Variants in PKN2 observed in about 807,000 individuals in gnomAD.
The protein encoded by PKN2 is serine/threonine-protein kinase N2.
PKN2 carries 38 observed loss-of-function variants against 119.1 expected under a neutral mutation model. The observed-to-expected ratio is 0.32, with a 90% CI of 0.25 to 0.42. PKN2 has a LOEUF of 0.42. Ranked by LOEUF, PKN2 falls within the 10% of genes least tolerant of loss-of-function variation. The probability of loss-of-function intolerance (pLI) is 1.00; values close to 1 mark genes in which losing one functional copy is unlikely to be tolerated. For synonymous variants in PKN2, 390 were observed against 384.9 expected, an observed-to-expected ratio of 1.01 and a Z score of -0.15; for missense variants, 850 against 1,165.1, an observed-to-expected ratio of 0.73 and a Z score of 3.94.
chr1:88,797,458 A>G (rs974413653), intron 8 of PKN2, among the ~76,000 whole-genome samples: 4 of 151,744 alleles, frequency 2.6e-5, no homozygotes, highest in Non-Finnish European at 5.9e-5. Flanking sequence ...CCTTGCCAAC[A>G]TGGTGAAACC....
At chr1:88,700,287 A>G (rs1055570928) in intron 1 of PKN2, among the ~76,000 whole-genome samples, 3 of 152,266 alleles carry the variant, frequency 2.0e-5, no homozygotes, top group African/African-American at 7.2e-5. Context: ...TTTCTGGTTG[A>G]ATGATATTTC....
rs143329756 is a variant in PKN2, at chr1:88,816,489, T to G, written c.2279+2756T>G. Among the ~76,000 whole-genome samples, 577 of 152,178 alleles carry G rather than the reference T, an allele frequency of 3.8e-3. 12 individuals carry two copies. Among genetic ancestry groups the G allele is most frequent in the East Asian group, 0.031 (160 of 5,148 alleles). ...CTCAAACTCCTGACCTCAGGTGATC[T>G]GCCTGCCTCAGCTTCCCAGAGTGCT... On this transcript the variant is annotated intron_variant, in intron 16 of 21. Transcript: ENST00000370521.
intron 18 of PKN2, among the ~76,000 whole-genome samples, chr1:88,827,417 T>G (rs1271806438): frequency 6.6e-6 from 1 of 151,992 alleles, no homozygotes; most frequent in Non-Finnish European, 1.5e-5. Context: ...TATATATGTT[T>G]CATATATACC....
chr1:88,736,779 A>AT (rs1264340510), intron 1 of PKN2, among the ~76,000 whole-genome samples: 1 of 152,050 alleles, frequency 6.6e-6, no homozygotes, highest in Non-Finnish European at 1.5e-5. Context: ...AAGCAGGGCG[A>AT]TTATTGTGTT....
intron 7 of PKN2, among the ~76,000 whole-genome samples, chr1:88,785,801 A>T (rs1485113676): frequency 6.6e-6 from 1 of 152,154 alleles, no homozygotes; most frequent in Non-Finnish European, 1.5e-5. Context: ...AGAAAAACTG[A>T]TTGATATTCA....
At chr1:88,760,421 G>T (rs200395365) in intron 3 of PKN2, 45 bp downstream of exon 3, 37 of 1,095,576 alleles carry the variant, frequency 3.4e-5, no homozygotes, top group Middle Eastern at 5.6e-4. Flanking sequence ...GTCATTATTT[G>T]CAGATTCCAT....
intron 2 of PKN2, among the ~76,000 whole-genome samples, chr1:88,757,050 C>T (rs1163485465): frequency 6.6e-6 from 1 of 152,020 alleles, no homozygotes; most frequent in Non-Finnish European, 1.5e-5. Flanking sequence ...CTAAGTTGCT[C>T]TTTTGTGATT....
At chr1:88,710,122 C>T (rs1397492326) in intron 1 of PKN2, among the ~76,000 whole-genome samples, 1 of 152,134 alleles carries the variant, frequency 6.6e-6, no homozygotes, top group Non-Finnish European at 1.5e-5. Context: ...AAATGTAAAA[C>T]CGGTCCTGGG....
intron 1 of PKN2, among the ~76,000 whole-genome samples, chr1:88,711,714 T>A (rs1356366515): frequency 6.6e-6 from 1 of 152,198 alleles, no homozygotes; most frequent in Admixed American, 6.5e-5. Flanking sequence ...TAGGTAGAAA[T>A]GTGATCATTT....
intron 1 of PKN2, among the ~76,000 whole-genome samples, chr1:88,728,098 A>T (rs1667971866): frequency 6.6e-6 from 1 of 150,818 alleles, no homozygotes; most frequent in African/African-American, 2.4e-5. Flanking sequence ...AGGAAAACCC[A>T]GAGAATTCAT....
At chr1:88,831,754 A>G (rs953372850) in intron 19 of PKN2, among the ~76,000 whole-genome samples, 7 of 152,056 alleles carry the variant, frequency 4.6e-5, no homozygotes, top group Non-Finnish European at 8.8e-5. Context: ...AAGTAAGCCT[A>G]TATTTCTTCA....
At chr1:88,705,555 C>T (rs1217029753) in intron 1 of PKN2, among the ~76,000 whole-genome samples, 4 of 151,078 alleles carry the variant, frequency 2.6e-5, no homozygotes, top group Non-Finnish European at 2.9e-5. Context: ...AAAAATTAGC[C>T]GGTTGTGGTG....
chr1:88,794,853 C>T (rs1670997083), intron 8 of PKN2, among the ~76,000 whole-genome samples: 1 of 152,084 alleles, frequency 6.6e-6, no homozygotes, highest in South Asian at 2.1e-4. Flanking sequence ...CTGATACTGC[C>T]ACAGCATCCT....
intron 1 of PKN2, among the ~76,000 whole-genome samples, chr1:88,728,556 G>A (rs1481162101): frequency 6.6e-6 from 1 of 151,896 alleles, no homozygotes; most frequent in Non-Finnish European, 1.5e-5. Context: ...TCTTGAACAG[G>A]TTTAGATTTA....
chr1:88,783,188 C>A (rs1248723774), intron 6 of PKN2, among the ~76,000 whole-genome samples: 1 of 152,176 alleles, frequency 6.6e-6, no homozygotes, highest in African/African-American at 2.4e-5. Context: ...TCTTCATAGG[C>A]AGGTGCTGAT....
chr1:88,707,650 A>G (rs993170286), intron 1 of PKN2, among the ~76,000 whole-genome samples: 3 of 152,108 alleles, frequency 2.0e-5, no homozygotes. Flanking sequence ...TTTTCCTTAC[A>G]GATTATATTT....
intron 1 of PKN2, among the ~76,000 whole-genome samples, chr1:88,711,238 GC>G (rs1667222900): frequency 6.6e-6 from 1 of 151,848 alleles, no homozygotes; most frequent in African/African-American, 2.4e-5. Context: ...ACAATAAACC[GC>G]CATGACATGT....
At chr1:88,748,027 T>A (rs1668835900) in intron 2 of PKN2, among the ~76,000 whole-genome samples, 1 of 152,172 alleles carries the variant, frequency 6.6e-6, no homozygotes, top group South Asian at 2.1e-4. Context: ...TGGATTTGTT[T>A]CCTTGTCTTT....
Position 88,807,335 on chromosome 1 carries a change from T to C in PKN2, c.1826T>C (p.Ile609Thr), listed in dbSNP as rs1671586460. ...PGQDSETVFD[I>T]QNDRNSILPK... The stretch of plus-strand genomic sequence containing the variant: ...CAGGATTCAGAGACTGTTTTTGATA[T>C]TCAGAATGACAGAAATAGTATACTT... The change falls in exon 13 of 22, where the codon ATT becomes ACT. Residue 609 changes from isoleucine (I) to threonine (T), a missense_variant. Physicochemically the swap from Ile to Thr is moderately conservative, Grantham distance 89 (BLOSUM62 -1). This residue lies in a region of PKN2 where 216 missense variants were observed against 252.8 expected (regional missense o/e 0.85). Coordinates refer to ENST00000370521, the MANE Select transcript of PKN2 (RefSeq NM_006256.4). 3 of 1,578,186 alleles carry C rather than the reference T, an allele frequency of 1.9e-6. No individual in the cohort carries two copies. The highest frequency in any genetic ancestry group is 2.6e-6 in the Non-Finnish European group (3 of 1,154,916).
Sources: gnomAD v4.1 joint callset for allele counts (sites outside exome capture counted in the v4.1 genomes callset) on GRCh38, gnomAD v4.1.1 for gene constraint, gnomAD v4.1.1 regional missense constraint, MANE v1.5 for transcripts, NCBI Gene and HGNC (gene_info 2026-07-23, HGNC 2026-07-21) for gene names.